TYR: variants seen among roughly 807,000 people sequenced by gnomAD.
TYR encodes the protein tyrosinase, also known as LB24-AB.
A neutral mutation model predicts 51.5 loss-of-function variants in TYR; 58 were observed. The ratio of observed to expected loss-of-function variants is 1.13; its 90% CI spans 0.91 to 1.40. The LOEUF (loss-of-function observed/expected upper bound fraction) is 1.40, where lower values mean the gene tolerates loss of function less well. Ranked by LOEUF, TYR falls within the 40% of genes most tolerant of loss-of-function variation. The pLI, the probability that TYR is intolerant of heterozygous loss-of-function variation, is 0.00. For missense variants in TYR, 732 were observed against 647.4 expected (o/e 1.13, Z -1.42); for synonymous variants, 263 against 235.2 (o/e 1.12, Z -1.08).
chr11:89,243,608 C>G (rs1218391959), intron 3 of TYR, among the ~76,000 whole-genome samples: 3 of 152,160 alleles, frequency 2.0e-5, no homozygotes, highest in Non-Finnish European at 4.4e-5. Flanking sequence ...TCTATCACAT[C>G]TTTGTATCTG....
rs749803298 is a variant in TYR at position 89,292,080 on chromosome 11, A to C, written c.1367-3063A>C. Among the ~76,000 whole-genome samples, 45 of 152,112 alleles carry C rather than the reference A, an allele frequency of 3.0e-4. No homozygotes were observed. The Middle Eastern group carries it at 0.01, about 34-fold the overall frequency. On this transcript the variant is annotated intron_variant, in intron 4 of 4. Transcript: ENST00000263321. ...AAAGCACCCATCACTGTTTATACCA[A>C]ATTTTAAAAGGAACTGTAAATACTA...
chr11:89,194,677 TATCTATC>T, intron 2 of TYR, among the ~76,000 whole-genome samples: 1 of 152,022 alleles, frequency 6.6e-6, no homozygotes, highest in South Asian at 2.1e-4. Flanking sequence ...TCTATCTATC[TATCTATC>T]ATCTATCTAT....
At position 89,233,003 on chromosome 11, in the gene TYR, T is replaced by G. The variant is rs745478985; in HGVS notation, c.1184+5033T>G. ...GGAAATTTGTTGCATCAGTTGATAC[T>G]TTCTTTCACAAAAGATTTCTCTGTA... On this transcript the variant is annotated intron_variant, in intron 3 of 4. Transcript: ENST00000263321. Among the ~76,000 whole-genome samples the G allele has an allele frequency of 3.9e-4, 56 of 143,046 alleles. 4 individuals carry two copies. Among genetic ancestry groups the G allele is most frequent in the Admixed American group, 3.6e-3 (52 of 14,412 alleles). 93.8% of individuals were successfully genotyped at this position (143,046 alleles called of 152,430 possible). A position where few individuals can be genotyped will look rare whatever the true frequency, so the allele number is the denominator to read the frequency against.
intron 3 of TYR, among the ~76,000 whole-genome samples, chr11:89,229,642 C>A (rs1237513592): frequency 1.3e-5 from 2 of 151,672 alleles, no homozygotes; most frequent in African/African-American, 4.9e-5. Context: ...CCCTTATACA[C>A]AGAAAAGCCT....
chr11:89,253,819 A>G (rs1442483475), intron 3 of TYR, among the ~76,000 whole-genome samples: 1 of 151,428 alleles, frequency 6.6e-6, no homozygotes, highest in Admixed American at 6.6e-5. Flanking sequence ...CCCTTTATTT[A>G]TTTCTCTTGT....
intron 2 of TYR, among the ~76,000 whole-genome samples, chr11:89,226,356 C>T (rs1943976794): frequency 6.6e-6 from 1 of 152,090 alleles, no homozygotes; most frequent in Admixed American, 6.6e-5. Flanking sequence ...TTGGTCAGAT[C>T]CTTCTAAATG....
chr11:89,241,337 C>A (rs1218305977), intron 3 of TYR, among the ~76,000 whole-genome samples: 1 of 152,114 alleles, frequency 6.6e-6, no homozygotes, highest in Non-Finnish European at 1.5e-5. Context: ...TGTGGATCCT[C>A]CTCATGCTGT....
At chr11:89,193,888 C>A (rs1448586360) in intron 2 of TYR, among the ~76,000 whole-genome samples, 1 of 151,524 alleles carries the variant, frequency 6.6e-6, no homozygotes, top group Admixed American at 6.6e-5. Context: ...CTCTCTCTCC[C>A]AGTCTGAGCC....
chr11:89,184,001 C>T (rs1943334558), intron 1 of TYR, among the ~76,000 whole-genome samples: 1 of 151,958 alleles, frequency 6.6e-6, no homozygotes, highest in Non-Finnish European at 1.5e-5. Flanking sequence ...AGTAACTTGC[C>T]CAAGGCCATG....
chr11:89,279,873 G>C (rs1051175961), intron 3 of TYR, among the ~76,000 whole-genome samples: 1 of 151,680 alleles, frequency 6.6e-6, no homozygotes, highest in Admixed American at 6.6e-5. Flanking sequence ...TGAGTGGGGA[G>C]TTATATATAG....
intron 3 of TYR, among the ~76,000 whole-genome samples, chr11:89,271,917 T>C (rs28826427): frequency 0.024 from 3,608 of 152,028 alleles, 146 homozygotes; most frequent in African/African-American, 0.082. Flanking sequence ...CCCTCATTCG[T>C]TCAAATTTTA....
chr11:89,218,801 C>G (rs1038390576), intron 2 of TYR, among the ~76,000 whole-genome samples: 15 of 152,258 alleles, frequency 9.9e-5, no homozygotes, highest in African/African-American at 3.6e-4. Context: ...GACAATGTTA[C>G]AGAGCTAACA....
chr11:89,207,064 C>T (rs1302415923), intron 2 of TYR, among the ~76,000 whole-genome samples: 1 of 151,462 alleles, frequency 6.6e-6, no homozygotes, highest in Non-Finnish European at 1.5e-5. Flanking sequence ...AACTCCAGAA[C>T]CTAGAAATAG....
At chr11:89,237,819 T>A (rs1944138394) in intron 3 of TYR, among the ~76,000 whole-genome samples, 1 of 151,544 alleles carries the variant, frequency 6.6e-6, no homozygotes, top group Non-Finnish European at 1.5e-5. Context: ...AAATTTTGTA[T>A]TTTATTATTT....
intron 2 of TYR, among the ~76,000 whole-genome samples, chr11:89,205,552 T>G (rs1164137450): frequency 6.6e-6 from 1 of 152,144 alleles, no homozygotes; most frequent in Non-Finnish European, 1.5e-5. Flanking sequence ...AGATCTTTCC[T>G]TTGACACTAT....
intron 2 of TYR, among the ~76,000 whole-genome samples, chr11:89,199,289 G>C (rs1319105233): frequency 6.6e-6 from 1 of 152,122 alleles, no homozygotes; most frequent in South Asian, 2.1e-4. Flanking sequence ...GGATGGCTGA[G>C]TCAAATGGTA....
At chr11:89,242,248 T>C (rs3936992) in intron 3 of TYR, among the ~76,000 whole-genome samples, 76,004 of 151,928 alleles carry the variant, frequency 0.5, 21,726 homozygotes, top group African/African-American at 0.8. Flanking sequence ...TTCTCTGTTG[T>C]CCAGGCTGGA....
At chr11:89,265,264 C>G (rs749478566) in intron 3 of TYR, among the ~76,000 whole-genome samples, 11 of 152,000 alleles carry the variant, frequency 7.2e-5, no homozygotes, top group African/African-American at 2.2e-4. Context: ...TAGGGGAAAG[C>G]CTTCAAACAA....
chr11:89,191,014 T>C (rs1037303191), intron 1 of TYR, among the ~76,000 whole-genome samples, 188 bp from the exon 2 acceptor site: 2 of 152,158 alleles, frequency 1.3e-5, no homozygotes, highest in African/African-American at 2.4e-5. Flanking sequence ...GACTATGATG[T>C]TCACGCAATG....
Sources: gnomAD v4.1 joint callset for allele counts (sites outside exome capture counted in the v4.1 genomes callset) on GRCh38, gnomAD v4.1.1 for gene constraint, MANE v1.5 for transcripts, NCBI Gene and HGNC (gene_info 2026-07-23, HGNC 2026-07-21) for gene names.